CLTC: variants seen among roughly 807,000 people sequenced by gnomAD.
CLTC encodes the protein clathrin heavy chain 1.
Under a neutral mutation model 195.8 loss-of-function variants are expected in CLTC, and 16 were observed. The observed-to-expected ratio is 0.08, with a 90% CI of 0.06 to 0.12. The LOEUF (loss-of-function observed/expected upper bound fraction) is 0.12, where lower values mean the gene tolerates loss of function less well. Among genes scored for constraint, CLTC ranks in the 10% least tolerant of loss-of-function variants. CLTC has a pLI of 1.00. For synonymous variants in CLTC, 667 were observed against 689.4 expected (o/e 0.97, Z 0.51); for missense variants, 796 against 2,027.0 (o/e 0.39, Z 11.66).
intron 1 of CLTC, among the ~76,000 whole-genome samples, chr17:59,624,465 T>G (rs1423050020): frequency 3.5e-5 from 5 of 144,150 alleles, no homozygotes; most frequent in East Asian, 4.2e-4. Context: ...TTTTTTTTTT[T>G]TTTTTTTTTT....
intron 1 of CLTC, among the ~76,000 whole-genome samples, chr17:59,629,473 ATCCCGTGAAAAGCAG>A (rs1369301110): frequency 6.6e-6 from 1 of 151,136 alleles, no homozygotes; most frequent in Non-Finnish European, 1.5e-5. Flanking sequence ...TGATTTAAAT[ATCCCGTGAAAAGCAG>A]TCCATTCGGG....
Position 59,648,094 on chromosome 17 carries a change from A to G in CLTC, c.520-146A>G, listed in dbSNP as rs2032240708. On this transcript the variant is annotated intron_variant, in intron 3 of 31. Coordinates refer to ENST00000269122, the MANE Select transcript of CLTC (RefSeq NM_004859.4). The surrounding 1 kb of genome is among the most constrained non-coding windows in gnomAD (Gnocchi z 4.5). ...TGGGGCTGATTTTAAGTTAAGAAGT[A>G]TCAAATCTACAGTGAGAGATGAAGT... The G allele has an allele frequency of 3.9e-6, 3 of 764,130 alleles. No homozygotes were observed. The highest frequency in any genetic ancestry group is 2.7e-5 in the East Asian group (1 of 37,546). 47.3% of individuals were successfully genotyped at this position (764,130 alleles called of 1,614,324 possible).
chr17:59,628,510 A>G (rs190432099), intron 1 of CLTC, among the ~76,000 whole-genome samples: 1 of 152,322 alleles, frequency 6.6e-6, no homozygotes, highest in East Asian at 1.9e-4. Flanking sequence ...CTACCCAGTT[A>G]TTGAAGCCAA....
chr17:59,671,494 G>C (rs2032846959), intron 14 of CLTC, among the ~76,000 whole-genome samples: 1 of 152,084 alleles, frequency 6.6e-6, no homozygotes, highest in African/African-American at 2.4e-5. Context: ...TAGCCACCAG[G>C]AATAAAGAGA....
At chr17:59,629,185 A>G (rs963901637) in intron 1 of CLTC, among the ~76,000 whole-genome samples, 3 of 152,200 alleles carry the variant, frequency 2.0e-5, no homozygotes, top group Non-Finnish European at 2.9e-5. Flanking sequence ...TCTCTGCAAT[A>G]TTCTATATTT....
chr17:59,624,193 G>A (rs978342597), intron 1 of CLTC, among the ~76,000 whole-genome samples: 2 of 152,150 alleles, frequency 1.3e-5, no homozygotes, highest in Non-Finnish European at 2.9e-5. Flanking sequence ...GACTCATAAA[G>A]TAGTGGGAAT....
intron 1 of CLTC, among the ~76,000 whole-genome samples, chr17:59,625,426 T>C (rs753818093): frequency 2.0e-5 from 3 of 152,114 alleles, no homozygotes; most frequent in Non-Finnish European, 4.4e-5. Flanking sequence ...TGCCCGGCTA[T>C]GTATATTTTG....
chr17:59,650,676 AAAGAC>A (rs2032307940), intron 4 of CLTC, among the ~76,000 whole-genome samples: 2 of 152,212 alleles, frequency 1.3e-5, no homozygotes, highest in Non-Finnish European at 2.9e-5. Context: ...AGGAAGCTGT[AAAGAC>A]AGTACAGAAC....
chr17:59,659,223 G>GTTTA (rs1393432977), intron 6 of CLTC, among the ~76,000 whole-genome samples: 1 of 152,092 alleles, frequency 6.6e-6, no homozygotes, highest in Non-Finnish European at 1.5e-5. Flanking sequence ...AATATGAGTA[G>GTTTA]TTTATAAGCT....
At chr17:59,634,106 G>A (rs903552031) in intron 1 of CLTC, among the ~76,000 whole-genome samples, 1 of 152,012 alleles carries the variant, frequency 6.6e-6, no homozygotes, top group Non-Finnish European at 1.5e-5. Context: ...ACAGGGTCTC[G>A]CCATGTTGCC....
intron 1 of CLTC, among the ~76,000 whole-genome samples, chr17:59,635,726 C>T (rs1334110720): frequency 6.6e-6 from 1 of 152,128 alleles, no homozygotes; most frequent in Non-Finnish European, 1.5e-5. Context: ...GTCCTCTTAA[C>T]AATATTTTCA....
At chr17:59,679,170 T>A (rs2033029721) in intron 17 of CLTC, among the ~76,000 whole-genome samples, 1 of 152,080 alleles carries the variant, frequency 6.6e-6, no homozygotes, top group Non-Finnish European at 1.5e-5. Context: ...AGTAAAACAC[T>A]GAAAACTGTA....
chr17:59,690,909 A>G, intron 31 of CLTC, 198 bp downstream of exon 31: 1 of 427,400 alleles, frequency 2.3e-6, no homozygotes, highest in East Asian at 3.6e-5. Flanking sequence ...TCTTAAATAC[A>G]AGAAAACTCA....
intron 8 of CLTC, among the ~76,000 whole-genome samples, chr17:59,662,976 A>G (rs141159256): frequency 3.9e-5 from 6 of 152,338 alleles, no homozygotes; most frequent in African/African-American, 7.2e-5. Flanking sequence ...GAGTTGACCT[A>G]CGTAACAGGG....
At position 59,696,062 on chromosome 17, in the gene CLTC, GC is replaced by G. The variant is rs2033416022; in HGVS notation, c.*2212del. 1 of 211,560 alleles carries G rather than the reference GC, an allele frequency of 4.7e-6. No homozygotes were observed. The highest frequency in any genetic ancestry group is 2.3e-5 in the African/African-American group (1 of 44,232). 13.1% of individuals were successfully genotyped at this position (211,560 alleles called of 1,614,324 possible). ...CACCCCATGCCATCCTGTTGGGAAT[GC>G]CACTACCTTTGAATTTGGAGCCATC... On this transcript the variant is annotated 3_prime_UTR_variant, in exon 32 of 32. Coordinates refer to ENST00000269122, the MANE Select transcript of CLTC (RefSeq NM_004859.4).
At position 59,681,827 on chromosome 17, in the gene CLTC, G is replaced by A; in HGVS notation, c.3430G>A (p.Ala1144Thr). 1.2e-6 allele frequency: 2 copies of A among 1,612,248 alleles called. No individual in the cohort carries two copies. The highest frequency in any genetic ancestry group is 1.7e-6 in the Non-Finnish European group (2 of 1,178,876). ...CTCCTACATGGAAGTTGTTCAGGCT[G>A]CCAATACTAGTGGTATGACTTCTTA... ...PSSYMEVVQA[A>T]NTSGNWEELV... The change falls in exon 21 of 32, where the codon GCC becomes ACC. Residue 1144 changes from alanine (A) to threonine (T), a missense_variant. Physicochemically the swap from Ala to Thr is moderately conservative, Grantham distance 58 (BLOSUM62 0). Coordinates refer to ENST00000269122, the MANE Select transcript of CLTC (RefSeq NM_004859.4). The surrounding 1 kb of genome is among the most constrained non-coding windows in gnomAD (Gnocchi z 5.0).
intron 1 of CLTC, among the ~76,000 whole-genome samples, chr17:59,627,556 T>C (rs2031588372): frequency 1.3e-5 from 2 of 152,350 alleles, no homozygotes; most frequent in East Asian, 1.9e-4. Flanking sequence ...ATATCTATGC[T>C]GTGATGTTCT....
intron 15 of CLTC, 130 bp downstream of exon 15, chr17:59,673,902 T>C: frequency 5.2e-6 from 3 of 573,816 alleles, no homozygotes; most frequent in Admixed American, 6.6e-5. Flanking sequence ...ATTTTTTGTT[T>C]TTGTTTTTGT....
chr17:59,664,563 A>AG (rs2032682911), intron 9 of CLTC: 1 of 289,814 alleles, frequency 3.5e-6, no homozygotes. Flanking sequence ...AAAAAAAAAA[A>AG]AAAAGAAAAG....
Sources: gnomAD v4.1 joint callset for allele counts (sites outside exome capture counted in the v4.1 genomes callset) on GRCh38, gnomAD v4.1.1 for gene constraint, Gnocchi (gnomAD v3.1) non-coding constraint, MANE v1.5 for transcripts, NCBI Gene and HGNC (gene_info 2026-07-23, HGNC 2026-07-21) for gene names.